Variants in ZFHX3 observed in about 807,000 individuals in gnomAD.
The protein encoded by ZFHX3 is zinc finger homeobox protein 3.
In ZFHX3, 42 loss-of-function variants were observed where a neutral mutation model predicts 279.1. The ratio of observed to expected loss-of-function variants is 0.15; its 90% CI spans 0.12 to 0.19. The LOEUF (loss-of-function observed/expected upper bound fraction) is 0.19. ZFHX3 is among the 10% of genes least tolerant of loss of function. ZFHX3 has a pLI of 1.00. For synonymous variants in ZFHX3, 2,293 were observed against 1,957.8 expected, an observed-to-expected ratio of 1.17 and a Z score of -4.52; for missense variants, 4,981 against 4,754.0, an observed-to-expected ratio of 1.05 and a Z score of -1.40.
chr16:73,849,185 C>T (rs1281878420), intron 1 of ZFHX3, among the ~76,000 whole-genome samples: 1 of 152,210 alleles, frequency 6.6e-6, no homozygotes, highest in Non-Finnish European at 1.5e-5. Context: ...TACAGTCGCT[C>T]CTTAGGCGGG....
chr16:73,440,732 G>C (rs2018078078), intron 3 of ZFHX3, among the ~76,000 whole-genome samples: 1 of 152,174 alleles, frequency 6.6e-6, no homozygotes, highest in Non-Finnish European at 1.5e-5. Flanking sequence ...ATCATGGCCA[G>C]CCTTTCAAAT....
rs1371526010 is a variant in ZFHX3 at position 72,900,383 on chromosome 16, T to C, written c.3217-10421A>G. Reference sequence around the variant, plus strand: ...AGTCAATCCAGCAGAAAAAAACACGTGTCTACTGGTCAAAACGGGTGTGCT... The same window carrying C: ...AGTCAATCCAGCAGAAAAAAACACGCGTCTACTGGTCAAAACGGGTGTGCT... On this transcript the variant is annotated intron_variant, in intron 3 of 9. Coordinates refer to ENST00000268489, the MANE Select transcript of ZFHX3 (RefSeq NM_006885.4). Among the ~76,000 whole-genome samples, 6 of 152,192 alleles carry C rather than the reference T, an allele frequency of 3.9e-5. No individual in the cohort carries two copies. The East Asian group carries it at 1.2e-3, about 29-fold the overall frequency.
At chr16:73,500,777 TG>T (rs34999266) in intron 2 of ZFHX3, among the ~76,000 whole-genome samples, 31,539 of 151,116 alleles carry the variant, frequency 0.21, 3,784 homozygotes, top group East Asian at 0.58. Flanking sequence ...TTTTAAGCTG[TG>T]TTATTCCAAA....
chr16:73,395,205 C>T (rs1316440851), intron 3 of ZFHX3, among the ~76,000 whole-genome samples: 2 of 152,210 alleles, frequency 1.3e-5, no homozygotes, highest in Non-Finnish European at 2.9e-5. Context: ...TGGCTCATGC[C>T]TGTAATCCCA....
At chr16:73,040,950 G>C (rs1426963203) in intron 1 of ZFHX3, among the ~76,000 whole-genome samples, 2 of 152,238 alleles carry the variant, frequency 1.3e-5, no homozygotes, top group Non-Finnish European at 2.9e-5. Flanking sequence ...GGCCTCACCA[G>C]AGGGTGTAAC....
intron 1 of ZFHX3, among the ~76,000 whole-genome samples, chr16:73,040,377 A>G (rs1203214523): frequency 6.6e-6 from 1 of 152,060 alleles, no homozygotes; most frequent in Admixed American, 6.5e-5. Flanking sequence ...ATGATAATTA[A>G]CTCTGCAAGT....
intron 2 of ZFHX3, among the ~76,000 whole-genome samples, chr16:72,956,787 T>C (rs1348291161): frequency 6.6e-6 from 1 of 151,344 alleles, no homozygotes; most frequent in Non-Finnish European, 1.5e-5. Context: ...AATTCCCAAT[T>C]AATTTCCAAC....
In ZFHX3 at chr16:73,581,733, C is replaced by T. The variant is rs369634474; in HGVS notation, c.-1547+98447G>A. On this transcript the variant is annotated intron_variant, in intron 2 of 17. Coordinates refer to the ZFHX3 transcript ENST00000641206. The stretch of plus-strand genomic sequence containing the variant: ...TTGCCCAGGCTGGAGTGCAGTGGCA[C>T]GATCTCAGTTCACTGCAACCTCCAC... Among the ~76,000 whole-genome samples the T allele has an allele frequency of 8.2e-5, 11 of 134,840 alleles. No homozygotes were observed. In the East Asian group the frequency reaches 1.1e-3, roughly 13 times the overall value. The allele number at this position is 134,840 out of a possible 152,430, so 88.5% of individuals were successfully genotyped here.
At chr16:73,249,777 A>AC (rs397970432) in intron 5 of ZFHX3, among the ~76,000 whole-genome samples, 31 of 152,026 alleles carry the variant, frequency 2.0e-4, no homozygotes, top group Non-Finnish European at 3.8e-4. Flanking sequence ...AAGAAAAAAA[A>AC]CCCAGTTAAC....
intron 4 of ZFHX3, among the ~76,000 whole-genome samples, chr16:72,876,104 C>T (rs1171805313): frequency 2.0e-5 from 3 of 152,156 alleles, no homozygotes; most frequent in Non-Finnish European, 4.4e-5. Context: ...CTATTTTTAT[C>T]CCAACTTCGC....
intron 2 of ZFHX3, among the ~76,000 whole-genome samples, chr16:73,536,083 C>G (rs1195887551): frequency 6.6e-6 from 1 of 152,122 alleles, no homozygotes; most frequent in East Asian, 1.9e-4. Flanking sequence ...GTTTTAGATA[C>G]TTGCAAACAA....
chr16:73,440,250 C>G (rs139983111), intron 3 of ZFHX3, among the ~76,000 whole-genome samples: 421 of 152,234 alleles, frequency 2.8e-3, no homozygotes, highest in Middle Eastern at 0.01. Flanking sequence ...CTGAAAGTCT[C>G]AACAATCAAT....
At chr16:73,165,946 C>A (rs59662278) in intron 5 of ZFHX3, among the ~76,000 whole-genome samples, 46,429 of 151,916 alleles carry the variant, frequency 0.31, 7,737 homozygotes, top group African/African-American at 0.43. Flanking sequence ...GAATACATTA[C>A]GACTGTGGGC....
At chr16:73,031,402 C>T (rs1044326793) in intron 1 of ZFHX3, among the ~76,000 whole-genome samples, 3 of 151,926 alleles carry the variant, frequency 2.0e-5, no homozygotes, top group African/African-American at 7.3e-5. Context: ...GGGGGCAGGT[C>T]GGGGAAGAAA....
At chr16:73,349,126 C>T (rs909580940) in intron 3 of ZFHX3, among the ~76,000 whole-genome samples, 3 of 152,282 alleles carry the variant, frequency 2.0e-5, no homozygotes, top group East Asian at 3.9e-4. Flanking sequence ...AGGGATCTCC[C>T]GAGGGATCTC....
At chr16:72,829,320 T>C (rs1030694302) in intron 5 of ZFHX3, among the ~76,000 whole-genome samples, 10 of 152,096 alleles carry the variant, frequency 6.6e-5, no homozygotes, top group Non-Finnish European at 1.2e-4. Context: ...TTAGAGAATC[T>C]TGAGGCTAAG....
rs563225530 is a variant in ZFHX3, at chr16:72,935,920, T to C, written c.3216+14549A>G. ...CTAAAAATATGGTCTATCATAAGAA[T>C]GGGAAAGGAACAAGGCATTTTGATG... On this transcript the variant is annotated intron_variant, in intron 3 of 9. Coordinates refer to ENST00000268489, the MANE Select transcript of ZFHX3 (RefSeq NM_006885.4). 6.5e-4 allele frequency among the ~76,000 whole-genome samples: 99 copies of C among 152,042 alleles called. 1 individual carries two copies. Among genetic ancestry groups the C allele is most frequent in the African/African-American group, 2.2e-3 (91 of 41,482 alleles).
intron 1 of ZFHX3, among the ~76,000 whole-genome samples, chr16:73,839,473 G>T (rs555866135): frequency 6.6e-6 from 1 of 151,764 alleles, no homozygotes; most frequent in Non-Finnish European, 1.5e-5. Flanking sequence ...CCAACAGGTT[G>T]GAAGATAATC....
intron 3 of ZFHX3, among the ~76,000 whole-genome samples, chr16:72,936,960 T>A (rs1382401357): frequency 4.6e-5 from 7 of 152,134 alleles, no homozygotes; most frequent in Non-Finnish European, 1.0e-4. Flanking sequence ...CCCACAGAAC[T>A]TGCTGATGGT....
Sources: allele counts gnomAD v4.1 joint callset (sites outside exome capture counted in the v4.1 genomes callset), GRCh38; gene constraint gnomAD v4.1.1; transcripts MANE v1.5; gene names NCBI Gene and HGNC (gene_info 2026-07-23, HGNC 2026-07-21).